IMMP2L: variants seen among roughly 807,000 people sequenced by gnomAD.
The protein encoded by IMMP2L is inner mitochondrial membrane peptidase subunit 2.
IMMP2L carries 18 observed loss-of-function variants against 19.3 expected under a neutral mutation model. The ratio of observed to expected loss-of-function variants is 0.93; its 90% CI spans 0.64 to 1.38. The LOEUF is 1.38. Ranked by LOEUF, IMMP2L falls within the 40% of genes most tolerant of loss-of-function variation. The pLI is 0.00. For missense variants in IMMP2L, 233 were observed against 218.2 expected (o/e 1.07, Z -0.43); for synonymous variants, 76 against 73.0 (o/e 1.04, Z -0.21).
chr7:111,140,742 C>T (rs1168465065), intron 3 of IMMP2L, among the ~76,000 whole-genome samples: 2 of 152,182 alleles, frequency 1.3e-5, no homozygotes, highest in Non-Finnish European at 2.9e-5. Flanking sequence ...TATTGCTCTT[C>T]ATTCATGCAA....
chr7:111,459,672 A>G (rs542941929), intron 3 of IMMP2L, among the ~76,000 whole-genome samples: 18 of 152,286 alleles, frequency 1.2e-4, no homozygotes, highest in Non-Finnish European at 1.6e-4. Flanking sequence ...TCCCTCTGTC[A>G]CAGCAACCTA....
chr7:110,809,314 G>C (rs1018352059), intron 5 of IMMP2L, among the ~76,000 whole-genome samples: 2 of 151,892 alleles, frequency 1.3e-5, no homozygotes, highest in South Asian at 4.2e-4. Flanking sequence ...TTAGACATTG[G>C]GATTGCAGTA....
chr7:110,839,006 T>C (rs925801416), intron 5 of IMMP2L, among the ~76,000 whole-genome samples: 1 of 152,122 alleles, frequency 6.6e-6, no homozygotes, highest in Non-Finnish European at 1.5e-5. Flanking sequence ...AATAACAGCA[T>C]ACTTAATATC....
intron 3 of IMMP2L, among the ~76,000 whole-genome samples, chr7:111,472,438 T>C (rs1841353819): frequency 1.3e-5 from 2 of 152,158 alleles, no homozygotes; most frequent in Non-Finnish European, 2.9e-5. Context: ...TAGTATATGA[T>C]GATATACTGT....
chr7:110,861,213 T>C (rs1807392387), intron 5 of IMMP2L, among the ~76,000 whole-genome samples: 1 of 151,882 alleles, frequency 6.6e-6, no homozygotes. Context: ...TTTTTGCTAA[T>C]TTAATTTCCA....
At chr7:111,191,207 T>C (rs980757256) in intron 3 of IMMP2L, among the ~76,000 whole-genome samples, 19 of 152,110 alleles carry the variant, frequency 1.2e-4, no homozygotes, top group Admixed American at 1.2e-3. Context: ...TTGAATGATA[T>C]TCTTTTTTAA....
intron 5 of IMMP2L, among the ~76,000 whole-genome samples, chr7:110,733,536 GAGAGA>G (rs1796416728): frequency 7.8e-6 from 1 of 128,892 alleles, no homozygotes; most frequent in Non-Finnish European, 1.8e-5. Context: ...GGAAGAGAAA[GAGAGA>G]AGGACAGATT....
intron 5 of IMMP2L, among the ~76,000 whole-genome samples, chr7:110,815,613 GTAAGC>G (rs1268912304): frequency 6.6e-6 from 1 of 151,998 alleles, no homozygotes; most frequent in Non-Finnish European, 1.5e-5. Context: ...TTTTTGGTTG[GTAAGC>G]TATTGATTAT....
intron 3 of IMMP2L, among the ~76,000 whole-genome samples, chr7:111,270,828 C>A (rs1181559403): frequency 6.6e-6 from 1 of 152,054 alleles, no homozygotes; most frequent in Non-Finnish European, 1.5e-5. Context: ...GAATATATAA[C>A]AATTGGATTT....
At chr7:110,699,866 G>C (rs1280271759) in intron 5 of IMMP2L, among the ~76,000 whole-genome samples, 1 of 151,932 alleles carries the variant, frequency 6.6e-6, no homozygotes, top group East Asian at 1.9e-4. Context: ...CCTTGAAGAA[G>C]AAAAAAACCA....
At chr7:111,094,582 A>G (rs971771716) in intron 3 of IMMP2L, among the ~76,000 whole-genome samples, 2 of 152,144 alleles carry the variant, frequency 1.3e-5, no homozygotes, top group Non-Finnish European at 2.9e-5. Flanking sequence ...ACATCAGTAC[A>G]TCTTGTCAGT....
chr7:110,774,545 GT>G (rs1446007942), intron 5 of IMMP2L, among the ~76,000 whole-genome samples: 54 of 152,108 alleles, frequency 3.6e-4, no homozygotes, highest in African/African-American at 1.2e-3. Context: ...ATATAGTTAT[GT>G]GCCACATAAT....
chr7:110,716,496 T>C (rs774967420), intron 5 of IMMP2L, among the ~76,000 whole-genome samples: 15 of 152,210 alleles, frequency 9.9e-5, no homozygotes, highest in Admixed American at 3.9e-4. Flanking sequence ...CTTGGTGTAA[T>C]AGTAACTAAT....
chr7:110,894,404 T>A (rs980298399), intron 4 of IMMP2L, among the ~76,000 whole-genome samples: 11 of 152,178 alleles, frequency 7.2e-5, no homozygotes, highest in African/African-American at 2.4e-4. Context: ...CACTTGATAT[T>A]ATCATTCTTT....
At chr7:110,845,352 A>G (rs1474533563) in intron 5 of IMMP2L, among the ~76,000 whole-genome samples, 1 of 152,110 alleles carries the variant, frequency 6.6e-6, no homozygotes, top group Non-Finnish European at 1.5e-5. Context: ...CATATCCCAG[A>G]TTCTGACAAA....
At chr7:110,977,800 A>C (rs191723887) in intron 3 of IMMP2L, among the ~76,000 whole-genome samples, 3 of 151,924 alleles carry the variant, frequency 2.0e-5, no homozygotes, top group Admixed American at 6.6e-5. Context: ...GAAATAATTA[A>C]AGATAGTACA....
At chr7:111,502,676 C>G (rs1199813966) in intron 2 of IMMP2L, among the ~76,000 whole-genome samples, 1 of 151,646 alleles carries the variant, frequency 6.6e-6, no homozygotes, top group Non-Finnish European at 1.5e-5. Flanking sequence ...TCACTCAAAA[C>G]CACTCAACTA....
chr7:111,481,409 T>C (rs946025537), intron 3 of IMMP2L, among the ~76,000 whole-genome samples: 2 of 152,144 alleles, frequency 1.3e-5, no homozygotes, highest in Admixed American at 6.5e-5. Flanking sequence ...CACTTATTAA[T>C]ATTTACTATG....
intron 5 of IMMP2L, among the ~76,000 whole-genome samples, chr7:110,792,548 C>T (rs1800534593): frequency 6.6e-6 from 1 of 152,028 alleles, no homozygotes; most frequent in African/African-American, 2.4e-5. Flanking sequence ...TAGAATTGGA[C>T]AGAAAACACA....
Sources: allele counts gnomAD v4.1 joint callset (sites outside exome capture counted in the v4.1 genomes callset), GRCh38; gene constraint gnomAD v4.1.1; transcripts MANE v1.5; gene names NCBI Gene and HGNC (gene_info 2026-07-23, HGNC 2026-07-21).